The following SPATA22 variants were observed in gnomAD, a reference collection of about 807,000 sequenced individuals.
SPATA22 encodes the protein spermatogenesis associated 22.
SPATA22 carries 29 observed loss-of-function variants against 47.8 expected under a neutral mutation model. The observed-to-expected ratio is 0.61, with a 90% CI of 0.45 to 0.83. The LOEUF is 0.83. Among genes scored for constraint, SPATA22 ranks in the 40% least tolerant of loss-of-function variants. SPATA22 has a pLI of 0.00. For missense variants in SPATA22, 410 were observed against 421.7 expected (o/e 0.97, Z 0.24); for synonymous variants, 133 against 140.9 (o/e 0.94, Z 0.40).
At chr17:3,456,221 G>T (rs1003256194) in intron 5 of SPATA22, among the ~76,000 whole-genome samples, 21 of 151,828 alleles carry the variant, frequency 1.4e-4, no homozygotes, top group African/African-American at 4.6e-4. Flanking sequence ...AGGAAATAGA[G>T]ACACAAAAAA....
rs750990243 is a variant in SPATA22, at chr17:3,443,275, A to G, written c.803-4T>C. ...GTAACAGCTGAATCAAGAACAGCTA[A>G]GCAATATTGAAATGGGGGAAAAAAT... is the stretch of plus-strand genomic sequence containing the variant. On this transcript the variant is annotated splice_polypyrimidine_tract_variant and splice_region_variant and intron_variant, in intron 7 of 8. Coordinates refer to ENST00000572969, the MANE Select transcript of SPATA22 (RefSeq NM_001170698.2). 1 of 1,588,560 alleles carries G rather than the reference A, an allele frequency of 6.3e-7. No homozygotes were observed. The highest frequency in any genetic ancestry group is 8.6e-7 in the Non-Finnish European group (1 of 1,168,716).
rs1175749252 is a variant in SPATA22 at position 3,452,288 on chromosome 17, A to T, written c.330-3139T>A. On this transcript the variant is annotated intron_variant, in intron 5 of 8. Coordinates refer to ENST00000572969, the MANE Select transcript of SPATA22 (RefSeq NM_001170698.2). Reference sequence around the variant, plus strand: ...GTAGAAATAAATAAAATAGAGAATTAAAAAAAAAAAAAAGCAAAACTGGGA... The same window carrying T: ...GTAGAAATAAATAAAATAGAGAATTTAAAAAAAAAAAAAGCAAAACTGGGA... Among the ~76,000 whole-genome samples the T allele has an allele frequency of 2.9e-5, 4 of 139,644 alleles. No homozygotes were observed. In the South Asian group the frequency reaches 6.7e-4, roughly 23 times the overall value. 91.6% of individuals were successfully genotyped at this position (139,644 alleles called of 152,430 possible).
At chr17:3,494,224 G>A (rs2073873249) in intron 1 of SPATA22, 6 of 704,324 alleles carry the variant, frequency 8.5e-6, no homozygotes, top group South Asian at 1.4e-5. Flanking sequence ...GGCTGTTCTC[G>A]AACTCCTGAC....
chr17:3,472,454 T>G (rs548062286), upstream of SPATA22: 1 of 152,446 alleles, frequency 6.6e-6, no homozygotes, highest in Admixed American at 6.5e-5. Flanking sequence ...CCTGGCCCTG[T>G]GACCTTGGGC....
intron 8 of SPATA22, 59 bp downstream of exon 8, chr17:3,443,115 C>A: frequency 8.8e-7 from 1 of 1,137,664 alleles, no homozygotes; most frequent in Non-Finnish European, 1.3e-6. Flanking sequence ...TGAATTATAG[C>A]CTGCATGTTT....
intron 3 of SPATA22, among the ~76,000 whole-genome samples, chr17:3,463,650 G>C (rs1177036514): frequency 2.2e-5 from 3 of 137,494 alleles, no homozygotes; most frequent in South Asian, 2.2e-4. Flanking sequence ...ATACATTTAG[G>C]CTACATTTAT....
intron 1 of SPATA22, chr17:3,494,551 C>T (rs1028499795): frequency 1.3e-5 from 14 of 1,066,358 alleles, no homozygotes; most frequent in African/African-American, 1.3e-4. Flanking sequence ...CGCGTACATT[C>T]GCCCATTTGA....
intron 1 of SPATA22, among the ~76,000 whole-genome samples, chr17:3,498,538 A>G (rs2073946249): frequency 6.6e-6 from 1 of 152,052 alleles, no homozygotes. Context: ...TTCTAGAGAT[A>G]GGATCTCTGT....
chr17:3,478,630 A>C (rs2073573458), intron 1 of SPATA22, among the ~76,000 whole-genome samples: 1 of 152,206 alleles, frequency 6.6e-6, no homozygotes, highest in African/African-American at 2.4e-5. Flanking sequence ...AGTAGTATGC[A>C]TTTCAGTGAG....
At chr17:3,501,219 G>C (rs2073986287) in intron 1 of SPATA22, 1 of 152,308 alleles carries the variant, frequency 6.6e-6, no homozygotes, top group African/African-American at 2.4e-5. Flanking sequence ...CATAGATAGT[G>C]ATTCCTCTGA....
chr17:3,449,321 CTCTT>C (rs2072804219), intron 5 of SPATA22, among the ~76,000 whole-genome samples, 172 bp from the exon 6 acceptor site: 1 of 152,142 alleles, frequency 6.6e-6, no homozygotes, highest in African/African-American at 2.4e-5. Flanking sequence ...TGTACTACCT[CTCTT>C]TCCAGATGAG....
At chr17:3,494,220 T>C in intron 1 of SPATA22, 1 of 692,662 alleles carries the variant, frequency 1.4e-6, no homozygotes, top group South Asian at 1.4e-5. Context: ...GCCAGGCTGT[T>C]CTCGAACTCC....
chr17:3,488,169 A>G lies in SPATA22; in HGVS notation c.-73-18771T>C, dbSNP rs895477309. Reference sequence around the variant, plus strand: ...AGTTGGGGTAAATGGTTTGCCAAATAGAGAAGGTGATGACTGGGGAGATGA... The same window carrying G: ...AGTTGGGGTAAATGGTTTGCCAAATGGAGAAGGTGATGACTGGGGAGATGA... On this transcript the variant is annotated intron_variant, in intron 1 of 8. Coordinates refer to the SPATA22 transcript ENST00000541913. The surrounding 1 kb of genome is among the most constrained non-coding windows in gnomAD (Gnocchi z 6.1). Among the ~76,000 whole-genome samples, 6 of 152,216 alleles carry G rather than the reference A, an allele frequency of 3.9e-5. No individual in the cohort carries two copies. The highest frequency in any genetic ancestry group is 1.4e-4 in the African/African-American group (6 of 41,462).
At chr17:3,494,562 T>C in intron 1 of SPATA22, 2 of 948,678 alleles carry the variant, frequency 2.1e-6, no homozygotes, top group Non-Finnish European at 3.4e-6. Flanking sequence ...GCCCATTTGA[T>C]GCTCTCATTA....
chr17:3,480,857 T>G (rs1260904858), intron 1 of SPATA22, among the ~76,000 whole-genome samples: 4 of 152,242 alleles, frequency 2.6e-5, no homozygotes, highest in Non-Finnish European at 5.9e-5. Flanking sequence ...GGAGTCAGGT[T>G]AGATCTCTTT....
intron 1 of SPATA22, among the ~76,000 whole-genome samples, 190 bp from the exon 2 acceptor site, chr17:3,469,588 C>T (rs141364530): frequency 6.6e-6 from 1 of 152,292 alleles, no homozygotes; most frequent in Non-Finnish European, 1.5e-5. Flanking sequence ...TAAGTTATGA[C>T]TAGGGCAACT....
rs2073784899 is a variant in SPATA22, at chr17:3,489,455, T to G, written c.-73-20057A>C. On this transcript the variant is annotated intron_variant, in intron 1 of 8. Coordinates refer to the SPATA22 transcript ENST00000541913. ...AGATATGAAGTGCTTTTTAAAATTT[T>G]TATTCACTTCAGCTATTCCCCAATG... The G allele has an allele frequency of 2.6e-5, 23 of 882,308 alleles. No individual in the cohort carries two copies. The South Asian group carries it at 3.3e-4, about 13-fold the overall frequency. 54.7% of individuals were successfully genotyped at this position (882,308 alleles called of 1,614,324 possible).
rs2073159756 is a variant in SPATA22 at position 3,462,837 on chromosome 17, T to G, written c.173-70A>C. 3.2e-6 allele frequency: 4 copies of G among 1,239,614 alleles called. No homozygotes were observed. In the East Asian group the frequency reaches 9.4e-5, roughly 29 times the overall value. 76.8% of individuals were successfully genotyped at this position (1,239,614 alleles called of 1,614,324 possible). On this transcript the variant is annotated intron_variant, in intron 3 of 8. Coordinates refer to ENST00000572969, the MANE Select transcript of SPATA22 (RefSeq NM_001170698.2). ...TTTTTCAAAATGATAAATTCATACT[T>G]ATTTAATTTGGAGGGTTTAAAAACT...
At chr17:3,503,794 T>C (rs1430522487) in intron 1 of SPATA22, among the ~76,000 whole-genome samples, 1 of 152,180 alleles carries the variant, frequency 6.6e-6, no homozygotes, top group African/African-American at 2.4e-5. Flanking sequence ...TACATTTGCA[T>C]TTTTCTCATT....
Sources: gnomAD v4.1 joint callset for allele counts (sites outside exome capture counted in the v4.1 genomes callset) on GRCh38, gnomAD v4.1.1 for gene constraint, Gnocchi (gnomAD v3.1) non-coding constraint, MANE v1.5 for transcripts, NCBI Gene and HGNC (gene_info 2026-07-23, HGNC 2026-07-21) for gene names.